SEC24D: variants seen among roughly 807,000 people sequenced by gnomAD.
SEC24D encodes protein transport protein Sec24D.
A neutral mutation model predicts 116.9 loss-of-function variants in SEC24D; 69 were observed. The observed-to-expected ratio is 0.59, with a 90% confidence interval of 0.49 to 0.72. SEC24D has a LOEUF of 0.72. Among genes scored for constraint, SEC24D ranks in the 30% least tolerant of loss-of-function variants. The pLI is 0.00. For missense variants in SEC24D, 1,131 were observed against 1,264.1 expected (o/e 0.89, Z 1.60); for synonymous variants, 405 against 442.8 (o/e 0.91, Z 1.07).
chr4:118,761,160 T>C (rs527909705), intron 10 of SEC24D, among the ~76,000 whole-genome samples: 1 of 152,332 alleles, frequency 6.6e-6, no homozygotes, highest in Non-Finnish European at 1.5e-5. Flanking sequence ...AACTGTCTGA[T>C]GCTCAATACA....
intron 8 of SEC24D, among the ~76,000 whole-genome samples, chr4:118,784,765 A>G (rs1224842427): frequency 2.2e-5 from 3 of 137,108 alleles, no homozygotes; most frequent in African/African-American, 8.3e-5. Flanking sequence ...CCAAATACAC[A>G]CAAACACACA....
chr4:118,778,808 G>A (rs183141628), intron 8 of SEC24D, among the ~76,000 whole-genome samples: 2 of 152,202 alleles, frequency 1.3e-5, no homozygotes, highest in East Asian at 3.9e-4. Context: ...TCCTTGAAGA[G>A]GTCCTTCACA....
intron 22 of SEC24D, among the ~76,000 whole-genome samples, chr4:118,725,411 C>G (rs984986388): frequency 2.0e-5 from 3 of 152,182 alleles, no homozygotes; most frequent in African/African-American, 7.2e-5. Flanking sequence ...CATGCCACTA[C>G]AACTTTACTA....
At chr4:118,832,032 G>A (rs766838128) in intron 2 of SEC24D, among the ~76,000 whole-genome samples, 2 of 152,038 alleles carry the variant, frequency 1.3e-5, no homozygotes, top group Non-Finnish European at 2.9e-5. Flanking sequence ...GTGAAACCCC[G>A]TCTCTACTAA....
Position 118,739,255 on chromosome 4 carries a change from T to C in SEC24D, c.2271A>G (p.Gln757=). The change falls in exon 18 of 23, where the codon CAA becomes CAG. Residue 757 remains glutamine, a synonymous_variant. Coordinates refer to ENST00000280551, the MANE Select transcript of SEC24D (RefSeq NM_014822.4). ...CAVLYTTISG[Q]RRLRIHNLGL... is the part of the protein sequence containing the mutation. ...CAAGATTGTGAATCCGAAGTCTTCT[T>C]TGACCACTGATTGTCGTGTAAAGCA... 2.5e-6 allele frequency: 4 copies of C among 1,613,742 alleles called. No individual in the cohort carries two copies. The highest frequency in any genetic ancestry group is 2.5e-6 in the Non-Finnish European group (3 of 1,179,690).
rs777883991 is a variant in SEC24D, at chr4:118,833,731, A to C, written c.-35T>G. 3 of 1,453,076 alleles carry C rather than the reference A, an allele frequency of 2.1e-6. No individual in the cohort carries two copies. The South Asian group carries it at 3.6e-5, about 17-fold the overall frequency. 90.0% of individuals were successfully genotyped at this position (1,453,076 alleles called of 1,614,324 possible). On this transcript the variant is annotated 5_prime_UTR_variant, in exon 2 of 23. Coordinates refer to ENST00000280551, the MANE Select transcript of SEC24D (RefSeq NM_014822.4). ...ATCATTCCATAGGATAATTCTACAA[A>C]AGAAGTCTGCAACAGAGAAACAAGA...
chr4:118,767,027 G>A (rs1333179814), intron 9 of SEC24D, among the ~76,000 whole-genome samples: 1 of 152,170 alleles, frequency 6.6e-6, no homozygotes, highest in Non-Finnish European at 1.5e-5. Context: ...CATAGTTAAT[G>A]TAAGGAGAGA....
intron 11 of SEC24D, 96 bp downstream of exon 11, chr4:118,757,624 CA>C (rs1015479466): frequency 3.6e-5 from 41 of 1,150,374 alleles, no homozygotes; most frequent in Admixed American, 8.0e-5. Flanking sequence ...TCCTCATTAG[CA>C]AAAAAAATCA....
chr4:118,765,892 T>C (rs1188578897), intron 9 of SEC24D, among the ~76,000 whole-genome samples: 1 of 152,224 alleles, frequency 6.6e-6, no homozygotes, highest in Admixed American at 6.5e-5. Context: ...CCATTTCTTT[T>C]AAAGTAAATT....
At position 118,740,924 on chromosome 4, in the gene SEC24D, G is replaced by A. The variant is rs1474453384; in HGVS notation, c.2092+17C>T. The A allele has an allele frequency of 6.3e-7, 1 of 1,588,240 alleles. No individual in the cohort carries two copies. The highest frequency in any genetic ancestry group is 1.4e-5 in the African/African-American group (1 of 74,066). On this transcript the variant is annotated intron_variant, in intron 16 of 22. Coordinates refer to ENST00000280551, the MANE Select transcript of SEC24D (RefSeq NM_014822.4). Reference sequence around the variant, plus strand: ...TTATTCAAGAGAGACCCGAAGAATTGTATAAATGATAATTACCTGTGCTGG... The same window carrying A: ...TTATTCAAGAGAGACCCGAAGAATTATATAAATGATAATTACCTGTGCTGG...
intron 8 of SEC24D, among the ~76,000 whole-genome samples, chr4:118,774,483 C>T (rs1188234555): frequency 6.6e-6 from 1 of 152,116 alleles, no homozygotes; most frequent in Non-Finnish European, 1.5e-5. Flanking sequence ...GGGGAATTCC[C>T]ATCCACATTG....
intron 10 of SEC24D, chr4:118,758,713 A>G (rs1053992062): frequency 2.0e-5 from 3 of 152,312 alleles, no homozygotes; most frequent in African/African-American, 7.2e-5. Context: ...TATTTTAATT[A>G]TTTTAAAATT....
chr4:118,804,832 C>G (rs1322491530), intron 7 of SEC24D, among the ~76,000 whole-genome samples: 1 of 151,472 alleles, frequency 6.6e-6, no homozygotes, highest in Non-Finnish European at 1.5e-5. Flanking sequence ...TGAAACCCTT[C>G]TGTGTATTGA....
chr4:118,810,401 C>G (rs1349552150), intron 6 of SEC24D, among the ~76,000 whole-genome samples: 1 of 151,988 alleles, frequency 6.6e-6, no homozygotes, highest in African/African-American at 2.4e-5. Context: ...AGCTAAAGAA[C>G]TAAATATGAG....
chr4:118,810,074 C>CTCTGTGTGTGTGTGTGTGTG (rs776835322), intron 6 of SEC24D, among the ~76,000 whole-genome samples: 5 of 38,620 alleles, frequency 1.3e-4, no homozygotes, highest in Non-Finnish European at 2.5e-4. Flanking sequence ...TCAGAGGTAG[C>CTCTGTGTGTGTGTGTGTGTG]TGTGTGTGTG....
intron 1 of SEC24D, among the ~76,000 whole-genome samples, chr4:118,834,007 T>C (rs1340176266): frequency 2.0e-5 from 3 of 152,220 alleles, no homozygotes; most frequent in Non-Finnish European, 2.9e-5. Context: ...ACTTTTTTAA[T>C]GGAAGCCTGA....
intron 2 of SEC24D, among the ~76,000 whole-genome samples, chr4:118,826,620 C>CT (rs750598413): frequency 6.8e-5 from 10 of 146,844 alleles, no homozygotes; most frequent in African/African-American, 1.0e-4. Flanking sequence ...TTTTTTTGGT[C>CT]TTTTTTTTTC....
intron 6 of SEC24D, among the ~76,000 whole-genome samples, chr4:118,809,955 G>A (rs114410095): frequency 0.044 from 6,655 of 152,226 alleles, 201 homozygotes; most frequent in Non-Finnish European, 0.064. Flanking sequence ...CATCTAAGCA[G>A]AATAAAGGCA....
rs151280218 is a variant in SEC24D at position 118,799,363 on chromosome 4, A to G, written c.914-1553T>C. ...TGTTTTAACGGGTGTGCGGGTAGAGATCAGGAATCTAGTCAGGGACATGTC... is the reference window on the plus strand; with the variant it reads ...TGTTTTAACGGGTGTGCGGGTAGAGGTCAGGAATCTAGTCAGGGACATGTC... On this transcript the variant is annotated intron_variant, in intron 7 of 22. Coordinates refer to ENST00000280551, the MANE Select transcript of SEC24D (RefSeq NM_014822.4). Among the ~76,000 whole-genome samples the G allele has an allele frequency of 5.5e-4, 84 of 152,208 alleles. 1 individual carries two copies. The East Asian group carries it at 6.0e-3, about 11-fold the overall frequency.
Sources: gnomAD v4.1 joint callset for allele counts (sites outside exome capture counted in the v4.1 genomes callset) on GRCh38, gnomAD v4.1.1 for gene constraint, MANE v1.5 for transcripts, NCBI Gene and HGNC (gene_info 2026-07-23, HGNC 2026-07-21) for gene names.